Variants in LYSMD2 observed in about 807,000 individuals in gnomAD.
The protein encoded by LYSMD2 is lysM and putative peptidoglycan-binding domain-containing protein 2.
LYSMD2 carries 6 observed loss-of-function variants against 17.7 expected under a neutral mutation model. That is an observed-to-expected ratio of 0.34 (90% CI 0.19 to 0.67). The LOEUF (loss-of-function observed/expected upper bound fraction) is 0.67, where lower values mean the gene tolerates loss of function less well. LYSMD2 is among the 30% of genes least tolerant of loss of function. The probability of loss-of-function intolerance (pLI) is 0.69; values close to 1 mark genes in which losing one functional copy is unlikely to be tolerated. For missense variants in LYSMD2, 237 were observed against 286.7 expected, an observed-to-expected ratio of 0.83 and a Z score of 1.25; for synonymous variants, 102 against 129.8, an observed-to-expected ratio of 0.79 and a Z score of 1.45.
intron 2 of LYSMD2, among the ~76,000 whole-genome samples, chr15:51,724,242 T>C (rs141059808): frequency 6.6e-6 from 1 of 152,214 alleles, no homozygotes; most frequent in East Asian, 1.9e-4. Context: ...TTTGCCCTAA[T>C]ATCAAATTTA....
At chr15:51,723,720 T>C in intron 2 of LYSMD2, 71 bp from the exon 3 acceptor site, 1 of 1,118,832 alleles carries the variant, frequency 8.9e-7, no homozygotes, top group Non-Finnish European at 1.3e-6. Context: ...ATCAACTTAT[T>C]ATACAATATC....
chr15:51,724,748 T>G, intron 2 of LYSMD2, 42 bp downstream of exon 2: 1 of 1,397,420 alleles, frequency 7.2e-7, no homozygotes, highest in Non-Finnish European at 9.8e-7. Flanking sequence ...ATCTTAATAG[T>G]GATTTATTTA....
intron 1 of LYSMD2, among the ~76,000 whole-genome samples, chr15:51,744,848 C>T (rs931800067): frequency 2.0e-5 from 3 of 150,918 alleles, no homozygotes; most frequent in South Asian, 2.1e-4. Context: ...TTGAAAAGAT[C>T]GACAAAATTG....
In LYSMD2 at chr15:51,737,257, C is replaced by CCCCCGG; in HGVS notation, c.273+92_273+93insCCGGGG. On this transcript the variant is annotated intron_variant, in intron 1 of 2. Transcript: ENST00000267838. The surrounding 1 kb of genome is among the most constrained non-coding windows in gnomAD (Gnocchi z 4.2). ...ACTCCCCATCCCCCAAACCCCCACC[C>CCCCCGG]GCAGTCCCACCCCCACCCCCACCGC... The CCCCCGG allele has an allele frequency of 2.4e-5, 8 of 335,084 alleles. No homozygotes were observed. The highest frequency in any genetic ancestry group is 3.8e-5 in the Non-Finnish European group (8 of 209,138). The allele number at this position is 335,084 out of a possible 1,614,324, so 20.8% of individuals were successfully genotyped here. A position where few individuals can be genotyped will look rare whatever the true frequency, so the allele number is the denominator to read the frequency against.
At chr15:51,739,521 T>G (rs2055632782), upstream of LYSMD2, among the ~76,000 whole-genome samples, 1 of 152,114 alleles carries the variant, frequency 6.6e-6, no homozygotes, top group Non-Finnish European at 1.5e-5. Context: ...ATAGACAAGA[T>G]CTGGTAATGT....
intron 1 of LYSMD2, among the ~76,000 whole-genome samples, chr15:51,729,105 C>T (rs1304741477): frequency 6.6e-6 from 1 of 152,228 alleles, no homozygotes; most frequent in Non-Finnish European, 1.5e-5. Context: ...TGAAATCAGA[C>T]ATGCAAAGCG....
intron 1 of LYSMD2, among the ~76,000 whole-genome samples, chr15:51,733,025 T>C (rs534075584): frequency 1.3e-5 from 2 of 152,320 alleles, no homozygotes; most frequent in East Asian, 1.9e-4. Flanking sequence ...ACAAAGCCCT[T>C]ACAATGGTCT....
chr15:51,737,539 G>GCGCGGCGGCGGCGAGGGGGCCGAGGGC lies in LYSMD2; in HGVS notation c.57_83dup (p.Pro20_Arg28dup). 1.6e-6 allele frequency: 2 copies of GCGCGGCGGCGGCGAGGGGGCCGAGGGC among 1,235,178 alleles called. No homozygotes were observed. The highest frequency in any genetic ancestry group is 2.0e-6 in the Non-Finnish European group (2 of 992,336). 76.5% of individuals were successfully genotyped at this position (1,235,178 alleles called of 1,614,324 possible). The stretch of plus-strand genomic sequence containing the variant: ...CCTCGGACTCGGAGCCGGAGCGCGA[G>GCGCGGCGGCGGCGAGGGGGCCGAGGGC]CGCGGCGGCGGCGAGGGGGCCGAGG... On this transcript the variant is annotated inframe_insertion, in exon 1 of 3. Coordinates refer to ENST00000267838, the MANE Select transcript of LYSMD2 (RefSeq NM_153374.3). The surrounding 1 kb of genome is among the most constrained non-coding windows in gnomAD (Gnocchi z 4.2).
At chr15:51,750,817 G>C (rs2055695418) in intron 1 of LYSMD2, among the ~76,000 whole-genome samples, 1 of 152,268 alleles carries the variant, frequency 6.6e-6, no homozygotes, top group Non-Finnish European at 1.5e-5. Flanking sequence ...TATATTCAGG[G>C]ATGAAGTGAA....
chr15:51,737,316 G>A lies in LYSMD2; in HGVS notation c.273+34C>T. The stretch of plus-strand genomic sequence containing the variant: ...CCGCACCGCCTCCTGCGCGGTAGCT[G>A]CCAGCCCGGGCCGCGGCGGCGCGCC... On this transcript the variant is annotated intron_variant, in intron 1 of 2. Coordinates refer to ENST00000267838, the MANE Select transcript of LYSMD2 (RefSeq NM_153374.3). This position sits in a 1 kb window ranked among gnomAD's most constrained non-coding sequence, Gnocchi z 4.2. 1 of 1,299,970 alleles carries A rather than the reference G, an allele frequency of 7.7e-7. No individual in the cohort carries two copies. Among genetic ancestry groups the A allele is most frequent in the East Asian group, 3.2e-5 (1 of 31,072 alleles). The allele number at this position is 1,299,970 out of a possible 1,614,324, so 80.5% of individuals were successfully genotyped here. A position where few individuals can be genotyped will look rare whatever the true frequency, so the allele number is the denominator to read the frequency against.
intron 1 of LYSMD2, among the ~76,000 whole-genome samples, chr15:51,727,955 T>C (rs770320772): frequency 2.0e-4 from 31 of 152,204 alleles, no homozygotes; most frequent in Non-Finnish European, 4.3e-4. Context: ...GATTTGAGTC[T>C]TGAGTTTAAT....
Position 51,737,627 on chromosome 15 carries a change from C to A in LYSMD2, c.-5G>T. The A allele has an allele frequency of 8.3e-7, 1 of 1,206,040 alleles. No homozygotes were observed. Among genetic ancestry groups the A allele is most frequent in the Non-Finnish European group, 1.0e-6 (1 of 971,654 alleles). 74.7% of individuals were successfully genotyped at this position (1,206,040 alleles called of 1,614,324 possible). ...TGCGGGCGAGGAATCCGCCATGGGT[C>A]CTGCCGAGGCCGCCGGGTCGGGGAG... is the stretch of plus-strand genomic sequence containing the variant. On this transcript the variant is annotated 5_prime_UTR_variant, in exon 1 of 3. Coordinates refer to ENST00000267838, the MANE Select transcript of LYSMD2 (RefSeq NM_153374.3). This position sits in a 1 kb window ranked among gnomAD's most constrained non-coding sequence, Gnocchi z 4.2.
chr15:51,738,426 C>T (rs1042476422), upstream of LYSMD2, among the ~76,000 whole-genome samples: 1 of 152,192 alleles, frequency 6.6e-6, no homozygotes, highest in East Asian at 1.9e-4. Flanking sequence ...AATTTACTGT[C>T]TGCATTCATC....
chr15:51,749,050 A>G (rs1207601957), intron 1 of LYSMD2, among the ~76,000 whole-genome samples: 1 of 152,248 alleles, frequency 6.6e-6, no homozygotes, highest in East Asian at 1.9e-4. Context: ...ACACAAAATG[A>G]TATGTAAGGT....
chr15:51,747,917 C>G (rs1057173778), intron 1 of LYSMD2, among the ~76,000 whole-genome samples: 5 of 152,186 alleles, frequency 3.3e-5, no homozygotes, highest in African/African-American at 1.2e-4. Flanking sequence ...ATCTTTGACA[C>G]AAATTATCTC....
At chr15:51,724,180 G>T (rs759556605) in intron 2 of LYSMD2, among the ~76,000 whole-genome samples, 5 of 151,966 alleles carry the variant, frequency 3.3e-5, no homozygotes, top group Middle Eastern at 6.8e-3. Flanking sequence ...GTACTTTTTT[G>T]AAATCAAATC....
In LYSMD2 at chr15:51,728,396, A is replaced by AACACAC. The variant is rs61106396; in HGVS notation, c.274-3281_274-3276dup. Reference sequence around the variant, plus strand: ...ATCACAACATTGTACTCCAGGAGAAAACACACACACACACACACACACACA... The same window carrying AACACAC: ...ATCACAACATTGTACTCCAGGAGAAAACACACACACACACACACACACACACACACA... On this transcript the variant is annotated intron_variant, in intron 1 of 2. Transcript: ENST00000267838. 4.8e-3 allele frequency among the ~76,000 whole-genome samples: 698 copies of AACACAC among 144,932 alleles called. 2 individuals are homozygous for AACACAC. Among genetic ancestry groups the AACACAC allele is most frequent in the Non-Finnish European group, 5.5e-3 (364 of 66,306 alleles).
intron 1 of LYSMD2, among the ~76,000 whole-genome samples, chr15:51,748,160 C>T (rs1440025005): frequency 6.7e-6 from 1 of 149,476 alleles, no homozygotes; most frequent in Non-Finnish European, 1.5e-5. Flanking sequence ...GTCCCAGCTA[C>T]TCAGGAGGCT....
At chr15:51,726,354 C>T (rs1432550680) in intron 1 of LYSMD2, among the ~76,000 whole-genome samples, 1 of 152,218 alleles carries the variant, frequency 6.6e-6, no homozygotes, top group Non-Finnish European at 1.5e-5. Context: ...ATACCTATTG[C>T]TATTTCGCCT....
Sources: gnomAD v4.1 joint callset for allele counts (sites outside exome capture counted in the v4.1 genomes callset) on GRCh38, gnomAD v4.1.1 for gene constraint, Gnocchi (gnomAD v3.1) non-coding constraint, MANE v1.5 for transcripts, NCBI Gene and HGNC (gene_info 2026-07-23, HGNC 2026-07-21) for gene names.